KCNMA1: variants seen among roughly 807,000 people sequenced by gnomAD.
KCNMA1 encodes the protein potassium calcium-activated channel subfamily M alpha 1.
A neutral mutation model predicts 140.0 loss-of-function variants in KCNMA1; 29 were observed. That is an observed-to-expected ratio of 0.21 (90% confidence interval 0.15 to 0.28). The LOEUF (loss-of-function observed/expected upper bound fraction) is 0.28, where lower values mean the gene tolerates loss of function less well. KCNMA1 is among the 10% of genes least tolerant of loss of function. KCNMA1 has a pLI of 1.00. For missense variants in KCNMA1, 880 were observed against 1,602.2 expected, an observed-to-expected ratio of 0.55 and a Z score of 7.70; for synonymous variants, 612 against 611.9, an observed-to-expected ratio of 1.00 and a Z score of 0.00.
At chr10:76,896,506 A>G (rs1039439141) in intron 25 of KCNMA1, among the ~76,000 whole-genome samples, 10 of 152,190 alleles carry the variant, frequency 6.6e-5, no homozygotes, top group Admixed American at 5.2e-4. Context: ...CAGCTTACAA[A>G]GATGATGGGA....
At chr10:77,382,988 GTGTGTGTATATATATATA>G (rs1283982293) in intron 2 of KCNMA1, among the ~76,000 whole-genome samples, 173 of 44,968 alleles carry the variant, frequency 3.8e-3, no homozygotes, top group South Asian at 9.4e-3. Flanking sequence ...GTGTGTGTGT[GTGTGTGTATATATATATA>G]TATATATATA....
At chr10:77,211,951 T>C (rs1321818574) in intron 3 of KCNMA1, among the ~76,000 whole-genome samples, 7 of 152,188 alleles carry the variant, frequency 4.6e-5, no homozygotes, top group African/African-American at 1.4e-4. Context: ...AAACAACAGA[T>C]GCTGGCAAGG....
chr10:77,582,851 G>A (rs529205060), intron 1 of KCNMA1, among the ~76,000 whole-genome samples: 2 of 152,340 alleles, frequency 1.3e-5, no homozygotes, highest in South Asian at 4.1e-4. Context: ...ACATGCAACT[G>A]CTTAGCTATG....
chr10:77,262,945 G>C (rs1308257598), intron 2 of KCNMA1, among the ~76,000 whole-genome samples: 2 of 152,156 alleles, frequency 1.3e-5, no homozygotes, highest in Non-Finnish European at 2.9e-5. Flanking sequence ...TGTACTAAAA[G>C]CCACTGAATT....
intron 1 of KCNMA1, among the ~76,000 whole-genome samples, chr10:77,571,577 C>G (rs2071342751): frequency 6.6e-6 from 1 of 152,172 alleles, no homozygotes; most frequent in Non-Finnish European, 1.5e-5. Context: ...CTCCCTTTGC[C>G]CCCCTGCAGA....
chr10:76,950,135 C>A (rs1016126258), intron 21 of KCNMA1, among the ~76,000 whole-genome samples: 2 of 152,178 alleles, frequency 1.3e-5, no homozygotes, highest in African/African-American at 4.8e-5. Flanking sequence ...TATGCTACAA[C>A]AGCAGAGCTA....
intron 19 of KCNMA1, among the ~76,000 whole-genome samples, chr10:76,986,515 G>A (rs1205381697): frequency 1.3e-5 from 2 of 152,210 alleles, no homozygotes; most frequent in South Asian, 2.1e-4. Context: ...GGAGAGACAG[G>A]GTTTCCAGGA....
intron 1 of KCNMA1, among the ~76,000 whole-genome samples, chr10:77,504,755 GT>G (rs1279289359): frequency 4.6e-5 from 7 of 151,986 alleles, no homozygotes; most frequent in Non-Finnish European, 1.0e-4. Context: ...GAGTCACCAT[GT>G]CCAGCCAGGA....
At chr10:77,394,334 G>A (rs78688972) in intron 2 of KCNMA1, among the ~76,000 whole-genome samples, 9,094 of 152,314 alleles carry the variant, frequency 0.06, 371 homozygotes, top group East Asian at 0.18. Flanking sequence ...AAAATTAACA[G>A]CTGCTCTTTA....
intron 1 of KCNMA1, among the ~76,000 whole-genome samples, chr10:77,446,073 A>ATCCCTGAAACCTCTC (rs567234219): frequency 6.6e-6 from 1 of 151,444 alleles, no homozygotes; most frequent in Non-Finnish European, 1.5e-5. Context: ...CTGGACCCTA[A>ATCCCTGAAACCTCTC]TCCCTGAAAC....
At chr10:77,069,373 G>A (rs1230588033) in intron 14 of KCNMA1, among the ~76,000 whole-genome samples, 2 of 152,182 alleles carry the variant, frequency 1.3e-5, no homozygotes, top group African/African-American at 2.4e-5. Flanking sequence ...GTCCTTAACA[G>A]CAGCTGCTGA....
rs557075556 is a variant in KCNMA1, at chr10:77,526,349, C to G, written c.378+110916G>C. Among the ~76,000 whole-genome samples the G allele has an allele frequency of 2.0e-5, 3 of 152,264 alleles. No homozygotes were observed. In the South Asian group the frequency reaches 6.2e-4, roughly 32 times the overall value. On this transcript the variant is annotated intron_variant, in intron 1 of 27. Transcript: ENST00000286628. ...GCATCTAACTAATGTAGTGGACCCC[C>G]AATTTGGAAAGAATGAAAATATTCT...
At chr10:77,355,687 T>C (rs1053343835) in intron 2 of KCNMA1, among the ~76,000 whole-genome samples, 10 of 152,244 alleles carry the variant, frequency 6.6e-5, no homozygotes, top group Non-Finnish European at 1.3e-4. Context: ...CAGATCAAGT[T>C]TGGCCTTAAG....
rs538462767 is a variant in KCNMA1 at position 77,152,883 on chromosome 10, G to A, written c.808+30538C>T. On this transcript the variant is annotated intron_variant, in intron 5 of 27. Coordinates refer to ENST00000286628, the MANE Select transcript of KCNMA1 (RefSeq NM_001161352.2). ...TGATGTGAGGCTTAAATGAAGCGGC[G>A]GATGGAAAGGACTGATTGCGACCCT... Among the ~76,000 whole-genome samples the A allele has an allele frequency of 9.9e-5, 15 of 152,250 alleles. No homozygotes were observed. The East Asian group carries it at 2.7e-3, about 27-fold the overall frequency.
At chr10:77,024,972 A>G (rs1309010019) in intron 16 of KCNMA1, among the ~76,000 whole-genome samples, 1 of 151,982 alleles carries the variant, frequency 6.6e-6, no homozygotes, top group Non-Finnish European at 1.5e-5. Flanking sequence ...TGGTATGTAG[A>G]CAAAATGGCA....
chr10:77,047,380 T>C (rs73290332), intron 14 of KCNMA1, among the ~76,000 whole-genome samples: 4,117 of 152,234 alleles, frequency 0.027, 192 homozygotes, highest in African/African-American at 0.093. Flanking sequence ...AGAGGGCGAT[T>C]AAAAGACTAC....
intron 1 of KCNMA1, among the ~76,000 whole-genome samples, chr10:77,461,228 CT>C (rs5786288): frequency 1.4e-5 from 2 of 146,892 alleles, no homozygotes; most frequent in African/African-American, 2.5e-5. Flanking sequence ...TGTACTCCCT[CT>C]TTTTTTTTTT....
chr10:77,383,135 C>G (rs1276706255), intron 2 of KCNMA1, among the ~76,000 whole-genome samples: 2 of 151,284 alleles, frequency 1.3e-5, no homozygotes, highest in African/African-American at 4.9e-5. Flanking sequence ...TGCCTCCTAA[C>G]AGTCATTTCC....
intron 3 of KCNMA1, among the ~76,000 whole-genome samples, chr10:77,233,121 T>C (rs1565384766): frequency 6.6e-6 from 1 of 152,186 alleles, no homozygotes; most frequent in Non-Finnish European, 1.5e-5. Context: ...CATCATTAAT[T>C]GGAAAAACTA....
Sources: gnomAD v4.1 joint callset for allele counts (sites outside exome capture counted in the v4.1 genomes callset) on GRCh38, gnomAD v4.1.1 for gene constraint, MANE v1.5 for transcripts, NCBI Gene and HGNC (gene_info 2026-07-23, HGNC 2026-07-21) for gene names.